The following PRDM2 variants were observed in gnomAD, a reference collection of about 807,000 sequenced individuals.
The protein encoded by PRDM2 is PR/SET domain 2, also known as PR domain zinc finger protein 2.
A neutral mutation model predicts 130.0 loss-of-function variants in PRDM2; 30 were observed. The ratio of observed to expected loss-of-function variants is 0.23; its 90% confidence interval spans 0.17 to 0.31. The LOEUF is 0.31. PRDM2 is among the 10% of genes least tolerant of loss of function. The pLI is 1.00. For missense variants in PRDM2, 2,011 were observed against 2,108.4 expected, an observed-to-expected ratio of 0.95 and a Z score of 0.90; for synonymous variants, 871 against 782.4, an observed-to-expected ratio of 1.11 and a Z score of -1.89.
intron 8 of PRDM2, chr1:13,786,645 T>G (rs1644747339): frequency 6.4e-7 from 1 of 1,556,736 alleles, no homozygotes; most frequent in Admixed American, 1.9e-5. Context: ...CAGTTGAAGC[T>G]GACTCAAAAA....
Position 13,742,229 on chromosome 1 carries a change from C to G in PRDM2, c.384+72C>G, listed in dbSNP as rs558452444. 4.8e-5 allele frequency: 70 copies of G among 1,473,392 alleles called. No homozygotes were observed. The African/African-American group carries it at 8.9e-4, about 19-fold the overall frequency. 91.3% of individuals were successfully genotyped at this position (1,473,392 alleles called of 1,614,324 possible). A position where few individuals can be genotyped will look rare whatever the true frequency, so the allele number is the denominator to read the frequency against. On this transcript the variant is annotated intron_variant, in intron 5 of 9. Transcript: ENST00000311066. ...TTCCTTTTTCTTTTTTTGAGACGGTCTCATTCTGTCTCTCAGGCTGGAGTG... is the reference window on the plus strand; with the variant it reads ...TTCCTTTTTCTTTTTTTGAGACGGTGTCATTCTGTCTCTCAGGCTGGAGTG...
Position 13,779,013 on chromosome 1 carries a change from G to C in PRDM2, c.1218G>C (p.Arg406=). The C allele has an allele frequency of 6.2e-7, 1 of 1,614,168 alleles. No homozygotes were observed. Among genetic ancestry groups the C allele is most frequent in the South Asian group, 1.1e-5 (1 of 91,078 alleles). ...GKAFGTQINR[R]RHERRHEAGL... is the part of the protein sequence containing the mutation. ...CCTTTGGCACACAGATTAACCGGCG[G>C]CGACATGAGCGGCGCCATGAAGCAG... Residue 406 remains arginine, a synonymous_variant, in exon 8 of 10, where the codon CGG becomes CGC. Transcript: ENST00000311066. This position sits in a 1 kb window ranked among gnomAD's most constrained non-coding sequence, Gnocchi z 4.9.
At chr1:13,712,053 C>CAAA (rs5772549) in intron 1 of PRDM2, among the ~76,000 whole-genome samples, 3 of 83,882 alleles carry the variant, frequency 3.6e-5, no homozygotes, top group African/African-American at 1.3e-4. Context: ...CATCTCTACC[C>CAAA]AAAAAAAAAA....
At position 13,717,484 on chromosome 1, in the gene PRDM2, A is replaced by G. The variant is rs531184129; in HGVS notation, c.9+1870A>G. On this transcript the variant is annotated intron_variant, in intron 2 of 9. Coordinates refer to ENST00000311066, the MANE Select transcript of PRDM2 (RefSeq NM_001393986.1). ...TATTGTTCTTGTTGCATCGCTGTTC[A>G]GAAATCATTTATTTGATATGTCTAC... 6.3e-4 allele frequency: 599 copies of G among 947,552 alleles called. 1 individual carries two copies. Among genetic ancestry groups the G allele is most frequent in the Non-Finnish European group, 7.3e-4 (584 of 795,558 alleles). 58.7% of individuals were successfully genotyped at this position (947,552 alleles called of 1,614,324 possible).
chr1:13,791,582 T>A (rs1030483705), intron 8 of PRDM2, among the ~76,000 whole-genome samples: 4 of 152,162 alleles, frequency 2.6e-5, no homozygotes, highest in Non-Finnish European at 5.9e-5. Context: ...ATAGTGTGTT[T>A]GTTACATGCA....
At chr1:13,725,987 C>T (rs929131224) in intron 2 of PRDM2, among the ~76,000 whole-genome samples, 1 of 152,148 alleles carries the variant, frequency 6.6e-6, no homozygotes, top group African/African-American at 2.4e-5. Context: ...GAATCCAGAC[C>T]CTGAAGCGAG....
chr1:13,790,969 T>C (rs917854230), intron 8 of PRDM2, among the ~76,000 whole-genome samples: 2 of 152,184 alleles, frequency 1.3e-5, no homozygotes, highest in African/African-American at 4.8e-5. Flanking sequence ...GTCTTGGCAA[T>C]GACAGCCTGA....
intron 8 of PRDM2, chr1:13,787,005 T>C (rs1219462562): frequency 6.1e-6 from 6 of 986,302 alleles, no homozygotes; most frequent in Non-Finnish European, 7.2e-6. Context: ...TTAAATTAAT[T>C]ATAGACAGAG....
At chr1:13,721,777 T>TGGG (rs1642737577) in intron 2 of PRDM2, among the ~76,000 whole-genome samples, 2 of 152,342 alleles carry the variant, frequency 1.3e-5, no homozygotes, top group Middle Eastern at 3.4e-3. Context: ...AAAAAAGCTG[T>TGGG]GGGACTGTTT....
intron 8 of PRDM2, among the ~76,000 whole-genome samples, chr1:13,805,614 C>T (rs954006993): frequency 1.3e-5 from 2 of 152,234 alleles, no homozygotes; most frequent in Non-Finnish European, 2.9e-5. Context: ...ACCATCTCCC[C>T]ACCCTCTGCC....
intron 8 of PRDM2, among the ~76,000 whole-genome samples, chr1:13,808,279 CAGG>C (rs1160788253): frequency 6.6e-6 from 1 of 152,162 alleles, no homozygotes; most frequent in African/African-American, 2.4e-5. Flanking sequence ...ATCACGAGGT[CAGG>C]AGATCGAGAC....
At chr1:13,793,948 T>G (rs1318630344) in intron 8 of PRDM2, among the ~76,000 whole-genome samples, 1 of 152,176 alleles carries the variant, frequency 6.6e-6, no homozygotes, top group African/African-American at 2.4e-5. Flanking sequence ...AGACATTGAT[T>G]CTCCTGGGAT....
In PRDM2 at chr1:13,781,011, T is replaced by G; in HGVS notation, c.3216T>G (p.Ser1072=). 1.9e-6 allele frequency: 3 copies of G among 1,603,820 alleles called. No homozygotes were observed. Among genetic ancestry groups the G allele is most frequent in the Non-Finnish European group, 2.6e-6 (3 of 1,170,716 alleles). The part of the protein sequence containing the change: ...SSFSSSSSSS[S]PSPPPLSAIS... ...TTTCTTCTTCATCTTCCTCCTCTTC[T>G]CCTTCTCCACCTCCTCTCTCCGCAA... The change falls in exon 8 of 10, where the codon TCT becomes TCG. Residue 1072 remains serine (S), a synonymous_variant. Coordinates refer to ENST00000311066, the MANE Select transcript of PRDM2 (RefSeq NM_001393986.1). This position sits in a 1 kb window ranked among gnomAD's most constrained non-coding sequence, Gnocchi z 6.1.
intron 9 of PRDM2, among the ~76,000 whole-genome samples, chr1:13,820,489 G>T (rs920797597): frequency 6.6e-6 from 1 of 152,212 alleles, no homozygotes; most frequent in Admixed American, 6.5e-5. Context: ...TCTTCACCCC[G>T]TGTCTTTCCT....
chr1:13,787,604 TG>T, intron 8 of PRDM2: 1 of 976,004 alleles, frequency 1.0e-6, no homozygotes. Flanking sequence ...GACTTTATGT[TG>T]AAATATTGTA....
chr1:13,729,055 G>A (rs761936065), intron 2 of PRDM2, among the ~76,000 whole-genome samples: 1 of 152,144 alleles, frequency 6.6e-6, no homozygotes, highest in Admixed American at 6.5e-5. Context: ...TCAGATCCAG[G>A]CTTTGAGCCC....
At chr1:13,819,214 A>G (rs1242406285) in intron 9 of PRDM2, among the ~76,000 whole-genome samples, 1 of 152,202 alleles carries the variant, frequency 6.6e-6, no homozygotes, top group Non-Finnish European at 1.5e-5. Flanking sequence ...AGACTGGGCC[A>G]TTTCTGTTGG....
chr1:13,775,127 C>G (rs1644447057), intron 7 of PRDM2, among the ~76,000 whole-genome samples: 1 of 152,246 alleles, frequency 6.6e-6, no homozygotes, highest in Non-Finnish European at 1.5e-5. Flanking sequence ...TTTGTGCTCC[C>G]AAACCTCCCT....
intron 5 of PRDM2, among the ~76,000 whole-genome samples, chr1:13,744,474 G>T (rs1643543963): frequency 6.6e-6 from 1 of 152,162 alleles, no homozygotes; most frequent in Admixed American, 6.5e-5. Flanking sequence ...GTGGTATGGT[G>T]TCATGGTCAG....
Sources: gnomAD v4.1 joint callset for allele counts (sites outside exome capture counted in the v4.1 genomes callset) on GRCh38, gnomAD v4.1.1 for gene constraint, Gnocchi (gnomAD v3.1) non-coding constraint, MANE v1.5 for transcripts, NCBI Gene and HGNC (gene_info 2026-07-23, HGNC 2026-07-21) for gene names.